Variants in DNAH11 observed in about 807,000 individuals in gnomAD.
DNAH11 encodes axonemal beta dynein heavy chain 11.
In DNAH11, 442 loss-of-function variants were observed where a neutral mutation model predicts 526.0. The ratio of observed to expected loss-of-function variants is 0.84; its 90% CI spans 0.78 to 0.91. The LOEUF is 0.91. Among genes scored for constraint, DNAH11 ranks in the 40% least tolerant of loss-of-function variants. DNAH11 has a pLI of 0.00. For missense variants in DNAH11, 6,989 were observed against 5,448.7 expected (o/e 1.28, Z -8.90); for synonymous variants, 2,461 against 1,935.9 (o/e 1.27, Z -7.12).
chr7:21,612,483 A>T (rs1339039928), intron 20 of DNAH11, among the ~76,000 whole-genome samples: 1 of 146,152 alleles, frequency 6.8e-6, no homozygotes, highest in African/African-American at 2.5e-5. Context: ...TGAACCCAGG[A>T]GGCAGAGCTT....
intron 54 of DNAH11, among the ~76,000 whole-genome samples, chr7:21,763,844 A>AATGGAATAT (rs1787045740): frequency 6.6e-6 from 1 of 150,916 alleles, no homozygotes; most frequent in African/African-American, 2.4e-5. Context: ...ATACACACAC[A>AATGGAATAT]ATGGAATATT....
chr7:21,609,052 T>G (rs567895043), intron 20 of DNAH11, among the ~76,000 whole-genome samples: 1 of 152,148 alleles, frequency 6.6e-6, no homozygotes, highest in Non-Finnish European at 1.5e-5. Context: ...ACACTGACTT[T>G]CCACAAATAA....
chr7:21,543,369 G>A lies in DNAH11; in HGVS notation c.124G>A (p.Glu42Lys). The A allele has an allele frequency of 6.4e-7, 1 of 1,551,610 alleles. No individual in the cohort carries two copies. The highest frequency in any genetic ancestry group is 8.7e-7 in the Non-Finnish European group (1 of 1,146,814). Residue 42 changes from glutamate to lysine, a missense_variant, in exon 1 of 82, where the codon GAG becomes AAG. Coordinates refer to ENST00000409508, the MANE Select transcript of DNAH11 (RefSeq NM_001277115.2). The stretch of plus-strand genomic sequence containing the variant: ...GGAGCTCGAGGAGGAGGAGGAGAAC[G>A]AGGAGGAGGCGGCGGCCAGGAGAGC... ...AVELEEEEEN[E>K]EEAAARRARS...
intron 63 of DNAH11, among the ~76,000 whole-genome samples, chr7:21,812,051 C>T (rs1188352431): frequency 6.6e-6 from 1 of 152,060 alleles, no homozygotes; most frequent in African/African-American, 2.4e-5. Flanking sequence ...ATATCATCCC[C>T]TTCCTCCCCC....
At chr7:21,690,947 C>A in intron 35 of DNAH11, 66 bp downstream of exon 35, 1 of 1,220,428 alleles carries the variant, frequency 8.2e-7, no homozygotes, top group Admixed American at 2.1e-5. Flanking sequence ...TTGGTTTGCA[C>A]TGTTAAGTGG....
intron 1 of DNAH11, 40 bp downstream of exon 1, chr7:21,543,636 A>AG: frequency 6.5e-7 from 1 of 1,550,100 alleles, no homozygotes; most frequent in Non-Finnish European, 8.7e-7. Context: ...CATCCAACAA[A>AG]ACTACCCAGG....
At chr7:21,747,070 C>G (rs549201774) in intron 51 of DNAH11, among the ~76,000 whole-genome samples, 1 of 152,214 alleles carries the variant, frequency 6.6e-6, no homozygotes, top group South Asian at 2.1e-4. Flanking sequence ...CAGAGCGTGT[C>G]CTTGAGTGTT....
At chr7:21,712,412 C>T (rs1003286785) in intron 42 of DNAH11, among the ~76,000 whole-genome samples, 1 of 152,158 alleles carries the variant, frequency 6.6e-6, no homozygotes, top group Non-Finnish European at 1.5e-5. Flanking sequence ...ATTTCTAGAT[C>T]ATATGTTAAT....
At chr7:21,856,423 T>C (rs1024464265) in intron 68 of DNAH11, among the ~76,000 whole-genome samples, 1 of 152,218 alleles carries the variant, frequency 6.6e-6, no homozygotes. Flanking sequence ...AAGCACAGTG[T>C]GGTTGGAGTT....
chr7:21,701,118 A>G (rs1784039370), intron 36 of DNAH11, among the ~76,000 whole-genome samples: 1 of 151,964 alleles, frequency 6.6e-6, no homozygotes. Context: ...AACAACAACA[A>G]CAAAACCTCT....
At chr7:21,835,137 G>A (rs907147725) in intron 65 of DNAH11, among the ~76,000 whole-genome samples, 11 of 149,338 alleles carry the variant, frequency 7.4e-5, no homozygotes, top group African/African-American at 2.7e-4. Context: ...TCCCATCAAA[G>A]AAGAGCCCTA....
intron 42 of DNAH11, among the ~76,000 whole-genome samples, chr7:21,716,037 C>G (rs558357248): frequency 1.3e-5 from 2 of 152,222 alleles, no homozygotes; most frequent in Admixed American, 6.5e-5. Flanking sequence ...GCTGATGTGA[C>G]TCCATGAAAC....
intron 30 of DNAH11, among the ~76,000 whole-genome samples, chr7:21,659,364 A>T (rs1279967418): frequency 6.6e-6 from 1 of 151,372 alleles, no homozygotes; most frequent in African/African-American, 2.4e-5. Flanking sequence ...CATGATTTGC[A>T]TTATTCAAAA....
Position 21,698,301 on chromosome 7 carries a change from A to G in DNAH11, c.6180+88A>G. 3 of 1,546,866 alleles carry G rather than the reference A, an allele frequency of 1.9e-6. 1 individual carries two copies. The highest frequency in any genetic ancestry group is 2.5e-5 in the South Asian group (2 of 81,212). On this transcript the variant is annotated intron_variant, in intron 36 of 81. Coordinates refer to ENST00000409508, the MANE Select transcript of DNAH11 (RefSeq NM_001277115.2). ...GGATTTTAGGTAATTTATCATTCAAATTACATTAGACATTAAAATTTTTTT... is the reference window on the plus strand; with the variant it reads ...GGATTTTAGGTAATTTATCATTCAAGTTACATTAGACATTAAAATTTTTTT...
At position 21,719,945 on chromosome 7, in the gene DNAH11, G is replaced by A. The variant is rs925669225; in HGVS notation, c.7135-780G>A. Reference sequence around the variant, plus strand: ...TAGCCCCAGAACCTGTTCATTACTGGTTATTATTTCACATGGTGAAGGCCT... The same window carrying A: ...TAGCCCCAGAACCTGTTCATTACTGATTATTATTTCACATGGTGAAGGCCT... On this transcript the variant is annotated intron_variant, in intron 43 of 81. Coordinates refer to ENST00000409508, the MANE Select transcript of DNAH11 (RefSeq NM_001277115.2). Among the ~76,000 whole-genome samples, 5 of 152,314 alleles carry A rather than the reference G, an allele frequency of 3.3e-5. No individual in the cohort carries two copies. In the South Asian group the frequency reaches 1.0e-3, roughly 32 times the overall value.
At chr7:21,741,603 T>C (rs1323342111) in intron 48 of DNAH11, among the ~76,000 whole-genome samples, 1 of 152,218 alleles carries the variant, frequency 6.6e-6, no homozygotes, top group Non-Finnish European at 1.5e-5. Flanking sequence ...TAATTTGATG[T>C]GGCTTTGGCT....
intron 8 of DNAH11, among the ~76,000 whole-genome samples, chr7:21,573,795 A>G (rs951701862): frequency 5.3e-5 from 8 of 152,208 alleles, no homozygotes; most frequent in Non-Finnish European, 1.0e-4. Flanking sequence ...CCCTCTGACT[A>G]CAAACTAGTG....
chr7:21,667,856 A>T (rs935870162), intron 30 of DNAH11, among the ~76,000 whole-genome samples: 8 of 152,164 alleles, frequency 5.3e-5, no homozygotes, highest in African/African-American at 1.9e-4. Context: ...TCTAGAATTG[A>T]ATCAAAATAA....
intron 68 of DNAH11, among the ~76,000 whole-genome samples, chr7:21,859,017 CATGCACTTT>C (rs1382690053): frequency 3.3e-5 from 5 of 152,166 alleles, no homozygotes; most frequent in Admixed American, 6.5e-5. Flanking sequence ...CACCTGACCT[CATGCACTTT>C]ATGCACAAAA....
Sources: allele counts gnomAD v4.1 joint callset (sites outside exome capture counted in the v4.1 genomes callset), GRCh38; gene constraint gnomAD v4.1.1; transcripts MANE v1.5; gene names NCBI Gene and HGNC (gene_info 2026-07-23, HGNC 2026-07-21).